Variants in RIMKLB observed in about 807,000 individuals in gnomAD.
RIMKLB encodes ribosomal modification protein rimK like family member B, also known as beta-citrylglutamate synthase B.
A neutral mutation model predicts 32.0 loss-of-function variants in RIMKLB; 7 were observed. The ratio of observed to expected loss-of-function variants is 0.22; its 90% CI spans 0.12 to 0.41. The LOEUF (loss-of-function observed/expected upper bound fraction) is 0.41. RIMKLB is among the 10% of genes least tolerant of loss of function. The pLI, the probability that RIMKLB is intolerant of heterozygous loss-of-function variation, is 1.00. For missense variants in RIMKLB, 289 were observed against 498.7 expected, an observed-to-expected ratio of 0.58 and a Z score of 4.00; for synonymous variants, 172 against 185.1, an observed-to-expected ratio of 0.93 and a Z score of 0.57.
Position 8,750,102 on chromosome 12 carries a change from C to T in RIMKLB, c.406+10C>T, listed in dbSNP as rs1948489450. ...GATACTTTCTCTTATGGTGAGCCTA[C>T]TAAAGAGCATACATAGCCTGAATAT... is the stretch of plus-strand genomic sequence containing the variant. On this transcript the variant is annotated intron_variant, in intron 3 of 5. Coordinates refer to ENST00000535829, the MANE Select transcript of RIMKLB (RefSeq NM_001297776.2). 1 of 1,548,360 alleles carries T rather than the reference C, an allele frequency of 6.5e-7. No homozygotes were observed. Among genetic ancestry groups the T allele is most frequent in the Admixed American group, 1.7e-5 (1 of 59,732 alleles).
At chr12:8,675,438 T>TTAC in the RIMKLB span, among the ~76,000 whole-genome samples, 2 of 152,216 alleles carry the variant, frequency 1.3e-5, no homozygotes, top group African/African-American at 4.8e-5. Flanking sequence ...ACCTCTCTTT[T>TTAC]TACTGTACTT....
At chr12:8,767,584 A>G (rs934460192) in intron 5 of RIMKLB, among the ~76,000 whole-genome samples, 3 of 152,152 alleles carry the variant, frequency 2.0e-5, no homozygotes, top group African/African-American at 7.2e-5. Context: ...GTCAGAAGGA[A>G]AAGTAGGGGT....
At chr12:8,767,232 G>T (rs944004655) in intron 5 of RIMKLB, among the ~76,000 whole-genome samples, 3 of 152,030 alleles carry the variant, frequency 2.0e-5, no homozygotes, top group African/African-American at 7.3e-5. Context: ...TCTCTCTTTG[G>T]CCCCCTTTGT....
At chr12:8,753,722 A>G (rs1214757508) in intron 4 of RIMKLB, among the ~76,000 whole-genome samples, 168 bp from the exon 5 acceptor site, 6 of 152,172 alleles carry the variant, frequency 3.9e-5, no homozygotes, top group Non-Finnish European at 8.8e-5. Flanking sequence ...TTGTCTTTAT[A>G]TATTTTTGTA....
chr12:8,722,573 C>T (rs767708129), intron 2 of RIMKLB, among the ~76,000 whole-genome samples: 8 of 152,178 alleles, frequency 5.3e-5, no homozygotes, highest in Non-Finnish European at 1.0e-4. Context: ...CAGCTGCCTT[C>T]GCTCCTAACA....
chr12:8,718,536 A>G (rs1473113184), intron 2 of RIMKLB, among the ~76,000 whole-genome samples: 1 of 152,132 alleles, frequency 6.6e-6, no homozygotes, highest in Admixed American at 6.5e-5. Context: ...CCAGCTACTC[A>G]GGAGGCTGAG....
downstream of RIMKLB, among the ~76,000 whole-genome samples, chr12:8,778,417 T>A (rs941717353): frequency 1.3e-5 from 2 of 151,988 alleles, no homozygotes; most frequent in Non-Finnish European, 2.9e-5. Flanking sequence ...CGTTTTAGCA[T>A]TTCTAAGATA....
intron 1 of RIMKLB, among the ~76,000 whole-genome samples, chr12:8,709,940 G>C (rs1944223630): frequency 6.6e-6 from 1 of 152,088 alleles, no homozygotes; most frequent in African/African-American, 2.4e-5. Context: ...TGGATATGGA[G>C]GGACTACTGT....
the RIMKLB span, among the ~76,000 whole-genome samples, chr12:8,671,257 C>CT: frequency 5.2e-4 from 76 of 145,972 alleles, no homozygotes; most frequent in East Asian, 3.4e-3. Context: ...TTTCTTTCTT[C>CT]TTTTTTTTTT....
chr12:8,709,605 G>A (rs950011776), intron 1 of RIMKLB, among the ~76,000 whole-genome samples: 1 of 152,214 alleles, frequency 6.6e-6, no homozygotes, highest in East Asian at 1.9e-4. Flanking sequence ...AGGCCCCATC[G>A]CTTGGGCACC....
At chr12:8,741,504 G>T (rs1264013195) in intron 2 of RIMKLB, among the ~76,000 whole-genome samples, 1 of 151,816 alleles carries the variant, frequency 6.6e-6, no homozygotes, top group Non-Finnish European at 1.5e-5. Flanking sequence ...GTTGGGGCTG[G>T]GTGCGGTGGC....
In RIMKLB at chr12:8,775,215, G is replaced by T; in HGVS notation, c.*1431G>T. ...TTCTCTTTTTACATATAGGATTTGG[G>T]ATTGGGGGTGGGTTGGATGTTTTTG... On this transcript the variant is annotated 3_prime_UTR_variant, in exon 6 of 6. Transcript: ENST00000535829. 3.0e-6 allele frequency: 3 copies of T among 985,692 alleles called. No individual in the cohort carries two copies. Among genetic ancestry groups the T allele is most frequent in the Non-Finnish European group, 3.6e-6 (3 of 829,886 alleles). 61.1% of individuals were successfully genotyped at this position (985,692 alleles called of 1,614,324 possible).
intron 2 of RIMKLB, among the ~76,000 whole-genome samples, chr12:8,746,637 C>T (rs1026698088): frequency 3.3e-5 from 5 of 151,552 alleles, no homozygotes; most frequent in African/African-American, 9.7e-5. Context: ...TCAAGATGCT[C>T]GTAACAAATG....
intron 1 of RIMKLB, among the ~76,000 whole-genome samples, chr12:8,708,487 G>C (rs1030391250): frequency 6.6e-6 from 1 of 152,032 alleles, no homozygotes; most frequent in Non-Finnish European, 1.5e-5. Flanking sequence ...TTAAATATTT[G>C]TAATGTATTT....
chr12:8,774,284 T>A lies in RIMKLB; in HGVS notation c.*500T>A. The A allele has an allele frequency of 3.0e-6, 3 of 983,792 alleles. No individual in the cohort carries two copies. The highest frequency in any genetic ancestry group is 3.6e-6 in the Non-Finnish European group (3 of 828,426). 60.9% of individuals were successfully genotyped at this position (983,792 alleles called of 1,614,324 possible). ...TCCTTATTAACTAGCAGCTTTAGTTTGTAGTTTATGAAATCTTGAGGGGCT... is the reference window on the plus strand; with the variant it reads ...TCCTTATTAACTAGCAGCTTTAGTTAGTAGTTTATGAAATCTTGAGGGGCT... On this transcript the variant is annotated 3_prime_UTR_variant, in exon 6 of 6. Transcript: ENST00000535829.
chr12:8,770,300 C>T (rs1950304770), intron 5 of RIMKLB, among the ~76,000 whole-genome samples: 1 of 152,166 alleles, frequency 6.6e-6, no homozygotes, highest in Non-Finnish European at 1.5e-5. Flanking sequence ...GTGAACAAAA[C>T]AGACAGAAAT....
chr12:8,728,074 G>C (rs1374021615), intron 2 of RIMKLB, among the ~76,000 whole-genome samples: 1 of 152,138 alleles, frequency 6.6e-6, no homozygotes, highest in East Asian at 1.9e-4. Flanking sequence ...TTTGGTATCT[G>C]TGGGGGATCC....
rs1036773907 is a variant in RIMKLB at position 8,707,556 on chromosome 12, A to AT, written c.-56-6253dup. Among the ~76,000 whole-genome samples the AT allele has an allele frequency of 5.9e-5, 9 of 152,270 alleles. No homozygotes were observed. The East Asian group carries it at 1.7e-3, about 29-fold the overall frequency. ...AGACTTCGTTACACAGGCATGATTG[A>AT]TTAAACCACTGGCCACTGGTGATCA... On this transcript the variant is annotated intron_variant, in intron 1 of 5. Transcript: ENST00000535829.
chr12:8,777,751 G>C (rs1248554613), downstream of RIMKLB: 7 of 1,183,094 alleles, frequency 5.9e-6, no homozygotes, highest in Non-Finnish European at 7.6e-6. Flanking sequence ...GCTGTATAAT[G>C]AATGGTAAAT....
Sources: gnomAD v4.1 joint callset for allele counts (sites outside exome capture counted in the v4.1 genomes callset) on GRCh38, gnomAD v4.1.1 for gene constraint, MANE v1.5 for transcripts, NCBI Gene and HGNC (gene_info 2026-07-23, HGNC 2026-07-21) for gene names.